The following C9orf40 variants were observed in gnomAD, a reference collection of about 807,000 sequenced individuals.
C9orf40 encodes chromosome 9 open reading frame 40, also known as uncharacterized protein C9orf40.
In C9orf40, 2 loss-of-function variants were observed where a neutral mutation model predicts 7.9. The ratio of observed to expected loss-of-function variants is 0.25; its 90% CI spans 0.10 to 0.80. The LOEUF (loss-of-function observed/expected upper bound fraction) is 0.80. Among genes scored for constraint, C9orf40 ranks in the 30% least tolerant of loss-of-function variants. The probability of loss-of-function intolerance (pLI) is 0.68; values close to 1 mark genes in which losing one functional copy is unlikely to be tolerated. For missense variants in C9orf40, 256 were observed against 268.5 expected (o/e 0.95, Z 0.33); for synonymous variants, 113 against 117.6 (o/e 0.96, Z 0.25).
chr9:74,951,858 C>G (rs1026749272), intron 1 of C9orf40, among the ~76,000 whole-genome samples: 2 of 152,238 alleles, frequency 1.3e-5, no homozygotes, highest in Non-Finnish European at 2.9e-5. Context: ...TATGCCCTGA[C>G]GGTCTGCGTT....
At chr9:74,951,212 A>G (rs1832290959) in intron 1 of C9orf40, among the ~76,000 whole-genome samples, 1 of 152,182 alleles carries the variant, frequency 6.6e-6, no homozygotes, top group Non-Finnish European at 1.5e-5. Context: ...GAGATGAGGC[A>G]GGCTCATGTC....
intron 1 of C9orf40, among the ~76,000 whole-genome samples, chr9:74,948,412 T>G (rs1832264520): frequency 1.3e-5 from 2 of 152,190 alleles, no homozygotes; most frequent in African/African-American, 2.4e-5. Flanking sequence ...ATATTTACAA[T>G]TTGTGAAAGT....
intron 1 of C9orf40, among the ~76,000 whole-genome samples, chr9:74,949,345 C>A (rs1030275281): frequency 3.4e-4 from 52 of 152,088 alleles, no homozygotes; most frequent in African/African-American, 1.2e-3. Context: ...GGCAACAAAG[C>A]AAGACTCCAT....
chr9:74,952,378 G>A lies in C9orf40; in HGVS notation c.234C>T (p.Asp78=), dbSNP rs1832313165. 6.4e-7 allele frequency: 1 copy of A among 1,570,828 alleles called. No homozygotes were observed. The highest frequency in any genetic ancestry group is 2.4e-5 in the East Asian group (1 of 41,820). The change falls in exon 1 of 2, where the codon GAC becomes GAT. Residue 78 remains aspartate (D), a synonymous_variant. Transcript: ENST00000376854. This position sits in a 1 kb window ranked among gnomAD's most constrained non-coding sequence, Gnocchi z 5.4. ...ASPSKRRDSG[D]NSAPSGQERE... ...GCTCCTGGCCGCTCGGGGCGCTGTT[G>A]TCCCCGCTGTCACGGCGCTTGCTGG...
At chr9:74,949,758 T>G (rs1832277600) in intron 1 of C9orf40, among the ~76,000 whole-genome samples, 1 of 152,200 alleles carries the variant, frequency 6.6e-6, no homozygotes, top group Non-Finnish European at 1.5e-5. Flanking sequence ...AAAAAGCCTG[T>G]GTCTTTGGAG....
Position 74,952,167 on chromosome 9 carries a change from A to ACCCCCC in C9orf40, c.426+18_426+19insGGGGGG. ...GGCAAGCCCCTTCGCCCCTCAGCCC[A>ACCCCCC]CCCGCCCCCAGCCCCTACCTGGCGC... is the stretch of plus-strand genomic sequence containing the variant. On this transcript the variant is annotated intron_variant, in intron 1 of 1. Transcript: ENST00000376854. This position sits in a 1 kb window ranked among gnomAD's most constrained non-coding sequence, Gnocchi z 5.4. 1 of 150,662 alleles carries ACCCCCC rather than the reference A, an allele frequency of 6.6e-6. No individual in the cohort carries two copies. Among genetic ancestry groups the ACCCCCC allele is most frequent in the Non-Finnish European group, 1.1e-5 (1 of 87,692 alleles). 9.3% of individuals were successfully genotyped at this position (150,662 alleles called of 1,614,324 possible). A position where few individuals can be genotyped will look rare whatever the true frequency, so the allele number is the denominator to read the frequency against.
chr9:74,952,363 G>T lies in C9orf40; in HGVS notation c.249C>A (p.Ser83Arg). The T allele has an allele frequency of 6.4e-7, 1 of 1,553,106 alleles. No homozygotes were observed. ...RRDSGDNSAPSGQEREDHGLE... is the reference protein window; with the variant it reads ...RRDSGDNSAPRGQEREDHGLE... ...GACCGTGGTCCTCACGCTCCTGGCC[G>T]CTCGGGGCGCTGTTGTCCCCGCTGT... Residue 83 changes from serine to arginine, a missense_variant, in exon 1 of 2, where the codon AGC (serine) becomes AGA (arginine). Coordinates refer to ENST00000376854, the MANE Select transcript of C9orf40 (RefSeq NM_017998.3). This position sits in a 1 kb window ranked among gnomAD's most constrained non-coding sequence, Gnocchi z 5.4.
In C9orf40 at chr9:74,948,066, C is replaced by G; in HGVS notation, c.567G>C (p.Glu189Asp). Reference protein sequence around the residue: ...ATLQGRNEGAEVDMES With the variant: ...ATLQGRNEGADVDMES ...CCTTACATCAGGACTCCATGTCAACCTCAGCCCCTTCATTCCTGCCCTGAA... is the reference window on the plus strand; with the variant it reads ...CCTTACATCAGGACTCCATGTCAACGTCAGCCCCTTCATTCCTGCCCTGAA... Residue 189 changes from glutamate (E) to aspartate (D), a missense_variant, in exon 2 of 2, where the codon GAG becomes GAC. Transcript: ENST00000376854. 6.2e-7 allele frequency: 1 copy of G among 1,613,960 alleles called. No homozygotes were observed. Among genetic ancestry groups the G allele is most frequent in the Non-Finnish European group, 8.5e-7 (1 of 1,179,914 alleles).
rs1423897679 is a variant in C9orf40, at chr9:74,947,452, A to G, written c.*596T>C. 1 of 152,600 alleles carries G rather than the reference A, an allele frequency of 6.6e-6. No individual in the cohort carries two copies. Among genetic ancestry groups the G allele is most frequent in the Non-Finnish European group, 1.5e-5 (1 of 68,032 alleles). The allele number at this position is 152,600 out of a possible 1,614,324, so 9.5% of individuals were successfully genotyped here. On this transcript the variant is annotated 3_prime_UTR_variant, in exon 2 of 2. Transcript: ENST00000376854. ...ATCCATCTTCAGTTGCCCATAGTAG[A>G]GCTTAACCAACATCAAATATTGGAA...
chr9:74,952,530 G>C lies in C9orf40; in HGVS notation c.82C>G (p.Pro28Ala). The change falls in exon 1 of 2, where the codon CCG becomes GCG. Residue 28 changes from proline to alanine, a missense_variant. Transcript: ENST00000376854. The surrounding 1 kb of genome is among the most constrained non-coding windows in gnomAD (Gnocchi z 5.4). ...RLLLCDFAEQ[P>A]PPPPLWIRPP... The stretch of plus-strand genomic sequence containing the variant: ...CGGATCCAGAGAGGCGGTGGCGGCG[G>C]CTGCTCAGCGAAGTCGCAAAGCAGG... The C allele has an allele frequency of 1.3e-6, 2 of 1,588,412 alleles. No homozygotes were observed. The highest frequency in any genetic ancestry group is 1.1e-5 in the South Asian group (1 of 89,546).
chr9:74,950,334 C>T (rs2118678692), intron 1 of C9orf40, among the ~76,000 whole-genome samples: 1 of 152,340 alleles, frequency 6.6e-6, no homozygotes, highest in South Asian at 2.1e-4. Context: ...ACTGCCATTT[C>T]CATATTTCCC....
Position 74,952,122 on chromosome 9 carries a change from T to C in C9orf40, c.426+64A>G. Reference sequence around the variant, plus strand: ...CAAGTCATGAGTGGGAACCGGGGCGTTTTGTGTGTGTGGGGAAAAGGCAAG... The same window carrying C: ...CAAGTCATGAGTGGGAACCGGGGCGCTTTGTGTGTGTGGGGAAAAGGCAAG... On this transcript the variant is annotated intron_variant, in intron 1 of 1. Coordinates refer to ENST00000376854, the MANE Select transcript of C9orf40 (RefSeq NM_017998.3). The surrounding 1 kb of genome is among the most constrained non-coding windows in gnomAD (Gnocchi z 5.4). The C allele has an allele frequency of 1.7e-6, 1 of 587,610 alleles. No individual in the cohort carries two copies. Among genetic ancestry groups the C allele is most frequent in the Non-Finnish European group, 2.5e-6 (1 of 392,394 alleles). 36.4% of individuals were successfully genotyped at this position (587,610 alleles called of 1,614,324 possible). A position where few individuals can be genotyped will look rare whatever the true frequency, so the allele number is the denominator to read the frequency against.
Position 74,952,555 on chromosome 9 carries a change from G to T in C9orf40, c.57C>A (p.Leu19=). 1 of 1,588,086 alleles carries T rather than the reference G, an allele frequency of 6.3e-7. No homozygotes were observed. Among genetic ancestry groups the T allele is most frequent in the African/African-American group, 1.3e-5 (1 of 74,366 alleles). The change falls in exon 1 of 2, where the codon CTC becomes CTA. Residue 19 remains leucine (L), a synonymous_variant. Transcript: ENST00000376854. The surrounding 1 kb of genome is among the most constrained non-coding windows in gnomAD (Gnocchi z 5.4). ...GCTGCTCAGCGAAGTCGCAAAGCAG[G>T]AGCCGCTTCCAAGGCACGTGGAACG... ...PVTFHVPWKR[L]LLCDFAEQPP... is the part of the protein sequence containing the mutation.
chr9:74,952,641 G>A lies in C9orf40; in HGVS notation c.-30C>T, dbSNP rs1832318172. 6.6e-7 allele frequency: 1 copy of A among 1,519,398 alleles called. No homozygotes were observed. Among genetic ancestry groups the A allele is most frequent in the East Asian group, 2.5e-5 (1 of 40,706 alleles). The allele number at this position is 1,519,398 out of a possible 1,614,324, so 94.1% of individuals were successfully genotyped here. On this transcript the variant is annotated 5_prime_UTR_variant, in exon 1 of 2. Coordinates refer to ENST00000376854, the MANE Select transcript of C9orf40 (RefSeq NM_017998.3). The surrounding 1 kb of genome is among the most constrained non-coding windows in gnomAD (Gnocchi z 5.4). ...CCAGAGGCTCGGGCGGAGCCCGCCA[G>A]GCGCGGGAGACCGAGTGCCGATAGC...
rs769404914 is a variant in C9orf40 at position 74,952,259 on chromosome 9, G to A, written c.353C>T (p.Pro118Leu). The A allele has an allele frequency of 2.0e-6, 2 of 1,012,634 alleles. No homozygotes were observed. Among genetic ancestry groups the A allele is most frequent in the Non-Finnish European group, 1.2e-6 (1 of 856,022 alleles). 62.7% of individuals were successfully genotyped at this position (1,012,634 alleles called of 1,614,324 possible). Residue 118 changes from proline to leucine, a missense_variant, in exon 1 of 2, where the codon CCG (proline) becomes CTG (leucine). Pro to Leu is a moderately conservative substitution (Grantham distance 98). Transcript: ENST00000376854. This position sits in a 1 kb window ranked among gnomAD's most constrained non-coding sequence, Gnocchi z 5.4. ...PGEELPGARL[P>L]GGGGDDGAGR... ...CGCCCCGTCGTCGCCACCGCCCCCCGGGAGCCGGGCGCCCGGGAGCTCCTC... is the reference window on the plus strand; with the variant it reads ...CGCCCCGTCGTCGCCACCGCCCCCCAGGAGCCGGGCGCCCGGGAGCTCCTC...
Position 74,947,436 on chromosome 9 carries a change from C to T in C9orf40, c.*612G>A, listed in dbSNP as rs1463007604. On this transcript the variant is annotated 3_prime_UTR_variant, in exon 2 of 2. Transcript: ENST00000376854. ...GTTTTCATTTTTCTTTATCCATCTT[C>T]AGTTGCCCATAGTAGAGCTTAACCA... 1.3e-5 allele frequency: 2 copies of T among 152,650 alleles called. No homozygotes were observed. The highest frequency in any genetic ancestry group is 4.8e-5 in the African/African-American group (2 of 41,458). 9.5% of individuals were successfully genotyped at this position (152,650 alleles called of 1,614,324 possible). A position where few individuals can be genotyped will look rare whatever the true frequency, so the allele number is the denominator to read the frequency against.
Position 74,952,696 on chromosome 9 carries a change from C to T in C9orf40, c.-85G>A. ...GGGGGCGAAGAGCGAGGACTGAGCG[C>T]GTGAGAGAGGGACAGGCCGAAGTCG... On this transcript the variant is annotated 5_prime_UTR_variant, in exon 1 of 2. Coordinates refer to ENST00000376854, the MANE Select transcript of C9orf40 (RefSeq NM_017998.3). The surrounding 1 kb of genome is among the most constrained non-coding windows in gnomAD (Gnocchi z 5.4). 1.5e-6 allele frequency: 2 copies of T among 1,298,132 alleles called. No individual in the cohort carries two copies. The highest frequency in any genetic ancestry group is 2.7e-5 in the East Asian group (1 of 37,482). The allele number at this position is 1,298,132 out of a possible 1,614,324, so 80.4% of individuals were successfully genotyped here.
chr9:74,950,625 A>T (rs1832285445), intron 1 of C9orf40, among the ~76,000 whole-genome samples: 1 of 152,178 alleles, frequency 6.6e-6, no homozygotes, highest in Non-Finnish European at 1.5e-5. Flanking sequence ...CCCAACTATA[A>T]AACTCTCGTT....
rs1013841388 is a variant in C9orf40, at chr9:74,946,785, A to G, written c.*1263T>C. 3.3e-5 allele frequency: 5 copies of G among 152,242 alleles called. No homozygotes were observed. The highest frequency in any genetic ancestry group is 1.2e-4 in the African/African-American group (5 of 41,536). 9.4% of individuals were successfully genotyped at this position (152,242 alleles called of 1,614,324 possible). Reference sequence around the variant, plus strand: ...AACCCATTCTTAAATCCTTCATTACACAAAAAAAATCAAGTTTTTCTCTTT... The same window carrying G: ...AACCCATTCTTAAATCCTTCATTACGCAAAAAAAATCAAGTTTTTCTCTTT... On this transcript the variant is annotated 3_prime_UTR_variant, in exon 2 of 2. Coordinates refer to ENST00000376854, the MANE Select transcript of C9orf40 (RefSeq NM_017998.3).
Sources: gnomAD v4.1 joint callset for allele counts (sites outside exome capture counted in the v4.1 genomes callset) on GRCh38, gnomAD v4.1.1 for gene constraint, Gnocchi (gnomAD v3.1) non-coding constraint, MANE v1.5 for transcripts, NCBI Gene and HGNC (gene_info 2026-07-23, HGNC 2026-07-21) for gene names.